The following PRKN variants were observed in gnomAD, a reference collection of about 807,000 sequenced individuals.
PRKN encodes the protein parkin RBR E3 ubiquitin protein ligase.
In PRKN, 56 loss-of-function variants were observed where a neutral mutation model predicts 59.5. The observed-to-expected ratio is 0.94, with a 90% CI of 0.76 to 1.18. PRKN has a LOEUF of 1.18. Ranked by LOEUF, PRKN falls within the 50% of genes most tolerant of loss-of-function variation. The pLI is 0.00. For missense variants in PRKN, 657 were observed against 596.4 expected (o/e 1.10, Z -1.06); for synonymous variants, 250 against 222.1 (o/e 1.13, Z -1.12).
chr6:161,891,589 G>A (rs561033915), intron 6 of PRKN, among the ~76,000 whole-genome samples: 2 of 152,190 alleles, frequency 1.3e-5, no homozygotes, highest in South Asian at 4.2e-4. Flanking sequence ...CCAAGTACCA[G>A]CCCTTTGTCT....
chr6:162,588,407 A>C (rs1781156281), intron 1 of PRKN, among the ~76,000 whole-genome samples: 1 of 152,132 alleles, frequency 6.6e-6, no homozygotes, highest in Non-Finnish European at 1.5e-5. Flanking sequence ...AAAAAAAGCA[A>C]ACAATATTAA....
rs568585759 is a variant in PRKN at position 161,466,919 on chromosome 6, T to C, written c.1084-80042A>G. ...TGAGGGATTTTTATTCTTTTGTTTCTGGTGGCAGAAATAAAATATTCTTTT... is the reference window on the plus strand; with the variant it reads ...TGAGGGATTTTTATTCTTTTGTTTCCGGTGGCAGAAATAAAATATTCTTTT... On this transcript the variant is annotated intron_variant, in intron 9 of 11. Coordinates refer to ENST00000366898, the MANE Select transcript of PRKN (RefSeq NM_004562.3). This position sits in a 1 kb window ranked among gnomAD's most constrained non-coding sequence, Gnocchi z 5.0. Among the ~76,000 whole-genome samples the C allele has an allele frequency of 3.3e-5, 5 of 152,374 alleles. No homozygotes were observed. In the South Asian group the frequency reaches 6.2e-4, roughly 19 times the overall value.
At chr6:162,122,139 C>A (rs1199959122) in intron 4 of PRKN, among the ~76,000 whole-genome samples, 2 of 152,198 alleles carry the variant, frequency 1.3e-5, no homozygotes, top group African/African-American at 4.8e-5. Flanking sequence ...ATCGGGCCAA[C>A]AAGACGACAT....
Position 162,553,834 on chromosome 6 carries a change from AAAAAAAAAAAAAAAG to A in PRKN, c.8-110376_8-110362del, listed in dbSNP as rs1562379241. On this transcript the variant is annotated intron_variant, in intron 1 of 11. Coordinates refer to ENST00000366898, the MANE Select transcript of PRKN (RefSeq NM_004562.3). Reference sequence around the variant, plus strand: ...AAAAAAAAAAAAAAAAAAAAAAAAAAAAAAAAAAAAAAAAGGGTAAAAGTGAGTGGGGAAAAGGCA... The same window carrying A: ...AAAAAAAAAAAAAAAAAAAAAAAAAAGGTAAAAGTGAGTGGGGAAAAGGCA... 4.4e-4 allele frequency among the ~76,000 whole-genome samples: 14 copies of A among 31,922 alleles called. 3 individuals carry two copies. Among genetic ancestry groups the A allele is most frequent in the East Asian group, 3.3e-3 (6 of 1,842 alleles). The allele number at this position is 31,922 out of a possible 152,430, so 20.9% of individuals were successfully genotyped here.
At chr6:162,443,523 C>A (rs772910421) in intron 1 of PRKN, 50 bp from the exon 2 acceptor site, 1 of 1,560,850 alleles carries the variant, frequency 6.4e-7, no homozygotes, top group South Asian at 1.1e-5. Flanking sequence ...TCACTCGAAG[C>A]CCTTAAATGG....
At chr6:161,711,013 T>C (rs1212020578) in intron 7 of PRKN, among the ~76,000 whole-genome samples, 1 of 150,914 alleles carries the variant, frequency 6.6e-6, no homozygotes, top group African/African-American at 2.4e-5. Flanking sequence ...CATTTGATTG[T>C]AGACATGGAG....
At chr6:162,111,068 C>T (rs553822362) in intron 4 of PRKN, among the ~76,000 whole-genome samples, 1 of 152,222 alleles carries the variant, frequency 6.6e-6, no homozygotes, top group South Asian at 2.1e-4. Flanking sequence ...CCACAGAAGA[C>T]GTTCGGAGAT....
intron 9 of PRKN, among the ~76,000 whole-genome samples, chr6:161,531,128 T>G (rs972363342): frequency 6.6e-6 from 1 of 152,016 alleles, no homozygotes; most frequent in African/African-American, 2.4e-5. Context: ...ACGCCTGTAA[T>G]CCCAGCATTT....
At chr6:161,686,113 T>C (rs1473943784) in intron 7 of PRKN, among the ~76,000 whole-genome samples, 1 of 149,470 alleles carries the variant, frequency 6.7e-6, no homozygotes, top group Admixed American at 6.7e-5. Flanking sequence ...AATTGTTGAC[T>C]GGTCATGATT....
intron 1 of PRKN, among the ~76,000 whole-genome samples, chr6:162,465,256 A>T (rs1791363358): frequency 6.6e-6 from 1 of 152,196 alleles, no homozygotes; most frequent in Admixed American, 6.5e-5. Flanking sequence ...TAGTTCTTAT[A>T]TTACACCACT....
intron 6 of PRKN, among the ~76,000 whole-genome samples, chr6:161,801,088 C>T (rs758138792): frequency 5.3e-5 from 8 of 152,044 alleles, no homozygotes; most frequent in Admixed American, 2.0e-4. Flanking sequence ...GAGAAGGACA[C>T]GGGAGGAAAC....
At chr6:161,934,787 C>T (rs1779292815) in intron 6 of PRKN, among the ~76,000 whole-genome samples, 1 of 152,086 alleles carries the variant, frequency 6.6e-6, no homozygotes, top group Non-Finnish European at 1.5e-5. Flanking sequence ...AAAACAATCT[C>T]CTCTGACAAT....
rs184297012 is a variant in PRKN at position 161,363,666 on chromosome 6, A to G, written c.1168-3461T>C. Reference sequence around the variant, plus strand: ...GCAAAAAAACACACAAATTATCTACAAAGAAGTTACAATTATTCCCCCCAG... The same window carrying G: ...GCAAAAAAACACACAAATTATCTACGAAGAAGTTACAATTATTCCCCCCAG... On this transcript the variant is annotated intron_variant, in intron 10 of 11. Transcript: ENST00000366898. This position sits in a 1 kb window ranked among gnomAD's most constrained non-coding sequence, Gnocchi z 4.1. Among the ~76,000 whole-genome samples the G allele has an allele frequency of 9.8e-5, 15 of 152,326 alleles. No individual in the cohort carries two copies. Among genetic ancestry groups the G allele is most frequent in the Admixed American group, 2.0e-4 (3 of 15,302 alleles).
rs187831269 is a variant in PRKN, at chr6:162,189,491, T to G, written c.534+11640A>C. Among the ~76,000 whole-genome samples, 87 of 150,832 alleles carry G rather than the reference T, an allele frequency of 5.8e-4. 1 individual carries two copies. The highest frequency in any genetic ancestry group is 1.1e-3 in the Non-Finnish European group (73 of 67,618). ...ATCATAGTCATTGTATACCTTGGCC[T>G]ACCATTAATTTACTTCATGAAACAT... On this transcript the variant is annotated intron_variant, in intron 4 of 11. Coordinates refer to ENST00000366898, the MANE Select transcript of PRKN (RefSeq NM_004562.3).
At chr6:162,116,321 C>T (rs1780670663) in intron 4 of PRKN, among the ~76,000 whole-genome samples, 1 of 152,152 alleles carries the variant, frequency 6.6e-6, no homozygotes, top group Non-Finnish European at 1.5e-5. Context: ...TCACAACATG[C>T]AAACAATTCC....
At chr6:162,349,482 C>G (rs112765480) in intron 2 of PRKN, among the ~76,000 whole-genome samples, 2,405 of 152,038 alleles carry the variant, frequency 0.016, 32 homozygotes, top group South Asian at 0.03. Flanking sequence ...AACAAATAAA[C>G]AAACAAAAAA....
At chr6:162,643,734 G>A (rs1001546636) in intron 1 of PRKN, 4 of 152,010 alleles carry the variant, frequency 2.6e-5, no homozygotes, top group Admixed American at 1.3e-4. Context: ...AATATACAAT[G>A]TATTTTTATC....
intron 1 of PRKN, among the ~76,000 whole-genome samples, chr6:162,482,612 T>G (rs113770292): frequency 2.6e-5 from 4 of 152,328 alleles, no homozygotes; most frequent in African/African-American, 9.6e-5. Context: ...GTTGATTGGT[T>G]ATCCATAATT....
chr6:161,700,601 A>G (rs1356770502), intron 7 of PRKN, among the ~76,000 whole-genome samples: 2 of 152,198 alleles, frequency 1.3e-5, no homozygotes, highest in Non-Finnish European at 2.9e-5. Context: ...ATGTCCAACT[A>G]AAACCAAACC....
Sources: allele counts gnomAD v4.1 joint callset (sites outside exome capture counted in the v4.1 genomes callset), GRCh38; gene constraint gnomAD v4.1.1; non-coding constraint Gnocchi (gnomAD v3.1); transcripts MANE v1.5; gene names NCBI Gene and HGNC (gene_info 2026-07-23, HGNC 2026-07-21).